DDO: variants seen among roughly 807,000 people sequenced by gnomAD.
The protein encoded by DDO is D-aspartate oxidase, DDO.
In DDO, 16 loss-of-function variants were observed where a neutral mutation model predicts 16.8. The observed-to-expected ratio is 0.95, with a 90% CI of 0.65 to 1.45. The LOEUF is 1.45. DDO is among the 40% of genes most tolerant of loss of function. The pLI is 0.00. For missense variants in DDO, 429 were observed against 420.3 expected (o/e 1.02, Z -0.18); for synonymous variants, 180 against 167.2 (o/e 1.08, Z -0.59).
intron 2 of DDO, among the ~76,000 whole-genome samples, chr6:110,410,574 C>T (rs1238875915): frequency 1.3e-5 from 2 of 152,206 alleles, no homozygotes; most frequent in African/African-American, 4.8e-5. Context: ...GCAAACAAGT[C>T]CTTCTTCACA....
chr6:110,413,142 C>G (rs1029236471), intron 2 of DDO, 149 bp downstream of exon 2: 14 of 969,702 alleles, frequency 1.4e-5, no homozygotes, highest in Non-Finnish European at 1.8e-5. Context: ...GACCCTGTCT[C>G]AAAAAAAGAG....
chr6:110,406,527 T>C (rs985047664), intron 3 of DDO, among the ~76,000 whole-genome samples: 1 of 152,168 alleles, frequency 6.6e-6, no homozygotes, highest in Non-Finnish European at 1.5e-5. Context: ...TCATCAACTC[T>C]TCCCACAAAT....
At chr6:110,397,851 G>A (rs1011999815) in intron 4 of DDO, among the ~76,000 whole-genome samples, 3 of 152,302 alleles carry the variant, frequency 2.0e-5, no homozygotes, top group African/African-American at 7.2e-5. Context: ...ACATAGTGAT[G>A]CCCAGTCATT....
intron 4 of DDO, among the ~76,000 whole-genome samples, chr6:110,395,637 G>A (rs1045211391): frequency 2.0e-5 from 3 of 152,018 alleles, no homozygotes; most frequent in Non-Finnish European, 2.9e-5. Context: ...AGTTCTGAGC[G>A]CTATCTACTT....
chr6:110,393,428 A>G, intron 4 of DDO, 86 bp from the exon 5 acceptor site: 1 of 1,484,112 alleles, frequency 6.7e-7, no homozygotes, highest in Non-Finnish European at 8.9e-7. Flanking sequence ...CCCAGGAACA[A>G]AAATTAGGTG....
intron 4 of DDO, among the ~76,000 whole-genome samples, chr6:110,399,701 T>C (rs1385214243): frequency 6.6e-6 from 1 of 152,198 alleles, no homozygotes; most frequent in Non-Finnish European, 1.5e-5. Context: ...CTAATCTGCA[T>C]GGCCAGGGGC....
chr6:110,411,933 A>G (rs1405866334), intron 2 of DDO, among the ~76,000 whole-genome samples: 1 of 152,198 alleles, frequency 6.6e-6, no homozygotes, highest in Non-Finnish European at 1.5e-5. Context: ...TACAGAAAGG[A>G]AAGGACGCAT....
chr6:110,414,468 GGA>G (rs928417215), intron 1 of DDO, among the ~76,000 whole-genome samples: 22 of 152,214 alleles, frequency 1.4e-4, no homozygotes, highest in African/African-American at 4.8e-4. Context: ...GGGCTCCTTG[GGA>G]GAGTCTGAAT....
chr6:110,413,994 G>T (rs559189316), intron 1 of DDO, among the ~76,000 whole-genome samples: 1 of 152,062 alleles, frequency 6.6e-6, no homozygotes, highest in East Asian at 1.9e-4. Context: ...GGCTGGTCTC[G>T]AACTCCTGAC....
At chr6:110,414,489 AG>A (rs1339543945) in intron 1 of DDO, among the ~76,000 whole-genome samples, 1 of 152,250 alleles carries the variant, frequency 6.6e-6, no homozygotes, top group Non-Finnish European at 1.5e-5. Context: ...ATGGAAATGC[AG>A]GGGACAGACA....
At chr6:110,389,230 C>A (rs1027365229), downstream of DDO, among the ~76,000 whole-genome samples, 1 of 152,198 alleles carries the variant, frequency 6.6e-6, no homozygotes, top group African/African-American at 2.4e-5. Context: ...GCACTGTGGC[C>A]TTCAGACTTA....
downstream of DDO, among the ~76,000 whole-genome samples, chr6:110,390,807 C>G (rs1274065476): frequency 6.6e-6 from 1 of 152,160 alleles, no homozygotes; most frequent in Non-Finnish European, 1.5e-5. Context: ...CCTTTTATTT[C>G]TCACAGATTA....
intron 1 of DDO, among the ~76,000 whole-genome samples, chr6:110,415,106 A>C (rs1462161956): frequency 1.3e-5 from 2 of 152,162 alleles, no homozygotes; most frequent in African/African-American, 4.8e-5. Flanking sequence ...GCTGAGAGAG[A>C]GTGGGCCTGC....
chr6:110,411,006 G>A (rs9487396), intron 2 of DDO, among the ~76,000 whole-genome samples: 25,661 of 151,996 alleles, frequency 0.17, 2,408 homozygotes, highest in East Asian at 0.33. Flanking sequence ...CAGGGATGCC[G>A]TGCTGAAAAA....
Position 110,393,345 on chromosome 6 carries a change from A to G in DDO, c.459-3T>C. 6.3e-7 allele frequency: 1 copy of G among 1,585,004 alleles called. No homozygotes were observed. The highest frequency in any genetic ancestry group is 8.6e-7 in the Non-Finnish European group (1 of 1,162,640). ...TCCAGCCTCCACTTCCCTTTATCCT[A>G]CGGAAGAGAGGCCATGAAGTGAATA... On this transcript the variant is annotated splice_polypyrimidine_tract_variant and splice_region_variant and intron_variant, in intron 4 of 4. Coordinates refer to ENST00000368924, the MANE Select transcript of DDO (RefSeq NM_001372108.2).
chr6:110,408,307 A>C (rs1773725316), intron 3 of DDO, 27 bp downstream of exon 3: 1 of 1,601,446 alleles, frequency 6.2e-7, no homozygotes, highest in African/African-American at 1.3e-5. Context: ...GCTACACTCT[A>C]AAATAACTTC....
downstream of DDO, chr6:110,388,883 T>C (rs1242430841): frequency 1.2e-6 from 1 of 817,474 alleles, no homozygotes; most frequent in African/African-American, 1.9e-5. Flanking sequence ...TCTCAGGCAG[T>C]AGCACCGATT....
chr6:110,406,238 C>A (rs1335764318), intron 3 of DDO, among the ~76,000 whole-genome samples: 1 of 152,150 alleles, frequency 6.6e-6, no homozygotes, highest in Admixed American at 6.5e-5. Flanking sequence ...TTACCTACTC[C>A]CCACTAGATA....
rs760049563 is a variant in DDO, at chr6:110,392,871, G to GC, written c.929dup (p.Ile311HisfsTer37). The GC allele has an allele frequency of 6.2e-7, 1 of 1,614,120 alleles. No individual in the cohort carries two copies. The highest frequency in any genetic ancestry group is 1.1e-5 in the South Asian group (1 of 91,078). On this transcript the variant is annotated frameshift_variant, in exon 5 of 5. Transcript: ENST00000368924. LOFTEE classifies it high-confidence loss of function. The stretch of plus-strand genomic sequence containing the variant: ...GAGCAGTGCCCCAGTGCACTGAGAT[G>GC]CCCCCACTCCCATGGCCATAGTGGT...
Sources: allele counts gnomAD v4.1 joint callset (sites outside exome capture counted in the v4.1 genomes callset), GRCh38; gene constraint gnomAD v4.1.1; transcripts MANE v1.5; gene names NCBI Gene and HGNC (gene_info 2026-07-23, HGNC 2026-07-21).